The following RASD2 variants were observed in gnomAD, a reference collection of about 807,000 sequenced individuals.
RASD2 encodes the protein RASD family member 2.
Under a neutral mutation model 15.8 loss-of-function variants are expected in RASD2, and 7 were observed. The observed-to-expected ratio is 0.44, with a 90% CI of 0.25 to 0.83. The LOEUF is 0.83. Among genes scored for constraint, RASD2 ranks in the 40% least tolerant of loss-of-function variants. The probability of loss-of-function intolerance (pLI) is 0.20; values close to 1 mark genes in which losing one functional copy is unlikely to be tolerated. For synonymous variants in RASD2, 155 were observed against 153.6 expected (o/e 1.01, Z -0.07); for missense variants, 274 against 382.8 (o/e 0.72, Z 2.37).
rs1349843343 is a variant in RASD2, at chr22:35,549,135, A to G, written c.271+2055A>G. Among the ~76,000 whole-genome samples the G allele has an allele frequency of 2.0e-5, 3 of 152,204 alleles. No homozygotes were observed. The East Asian group carries it at 5.8e-4, about 29-fold the overall frequency. ...GATAAAGCTAATGCCCCTTTGACCC[A>G]TGTCCCCAATCCCAGGCTCCTGCCC... On this transcript the variant is annotated intron_variant, in intron 2 of 2. Transcript: ENST00000216127.
the RASD2 span, among the ~76,000 whole-genome samples, chr22:35,535,319 G>T: frequency 1.3e-5 from 2 of 151,306 alleles, no homozygotes; most frequent in Non-Finnish European, 2.9e-5. Context: ...TGGGAGGATC[G>T]CTTGAGCCCA....
upstream of RASD2, among the ~76,000 whole-genome samples, chr22:35,538,670 G>A (rs1934280958): frequency 6.6e-6 from 1 of 152,224 alleles, no homozygotes; most frequent in Non-Finnish European, 1.5e-5. Context: ...CTGGGATATG[G>A]TCAGTGGGAC....
chr22:35,534,822 C>A, the RASD2 span, among the ~76,000 whole-genome samples: 5 of 152,190 alleles, frequency 3.3e-5, no homozygotes, highest in African/African-American at 1.2e-4. Context: ...GGAAAGGAAC[C>A]TTTCTTTTAT....
chr22:35,538,587 C>A (rs1934279133), upstream of RASD2, among the ~76,000 whole-genome samples: 1 of 152,276 alleles, frequency 6.6e-6, no homozygotes, highest in African/African-American at 2.4e-5. Flanking sequence ...TGGGGGAGGG[C>A]AGGAGCAGAA....
chr22:35,548,980 G>T (rs868041591), intron 2 of RASD2, among the ~76,000 whole-genome samples: 14 of 152,210 alleles, frequency 9.2e-5, no homozygotes, highest in African/African-American at 2.9e-4. Context: ...CTGGGTACCC[G>T]CTGCAATGAA....
upstream of RASD2, among the ~76,000 whole-genome samples, chr22:35,540,525 C>A (rs1425983179): frequency 6.6e-6 from 1 of 151,120 alleles, no homozygotes; most frequent in Non-Finnish European, 1.5e-5. Flanking sequence ...GGAGGCGCGG[C>A]TCGCGGGGGG....
At chr22:35,535,260 C>T in the RASD2 span, among the ~76,000 whole-genome samples, 23 of 151,858 alleles carry the variant, frequency 1.5e-4, no homozygotes, top group African/African-American at 3.9e-4. Context: ...AAAAATTAGC[C>T]GGGTGTGATG....
intron 2 of RASD2, among the ~76,000 whole-genome samples, chr22:35,549,750 C>T (rs1367635123): frequency 6.6e-6 from 1 of 152,196 alleles, no homozygotes; most frequent in African/African-American, 2.4e-5. Flanking sequence ...TTGGAGCACA[C>T]CTTTGATCTG....
upstream of RASD2, among the ~76,000 whole-genome samples, chr22:35,537,511 C>T (rs770582642): frequency 1.8e-4 from 27 of 152,104 alleles, no homozygotes; most frequent in Non-Finnish European, 2.6e-4. Flanking sequence ...TGAAGCACTT[C>T]GCAGTTTATT....
chr22:35,541,521 G>A (rs2272861), intron 1 of RASD2, 21 bp downstream of exon 1: 89,774 of 152,120 alleles, frequency 0.59, 27,875 homozygotes, highest in Non-Finnish European at 0.69. Context: ...CCCCAACAGA[G>A]CTGGGCATCT....
chr22:35,545,473 T>C (rs1934474600), intron 1 of RASD2, among the ~76,000 whole-genome samples: 1 of 152,190 alleles, frequency 6.6e-6, no homozygotes, highest in African/African-American at 2.4e-5. Flanking sequence ...CCCCCACCTC[T>C]GGGATGCAGC....
rs1434387709 is a variant in RASD2 at position 35,551,919 on chromosome 22, A to G, written c.688A>G (p.Met230Val). 1.2e-6 allele frequency: 2 copies of G among 1,611,204 alleles called. No homozygotes were observed. The highest frequency in any genetic ancestry group is 1.7e-6 in the Non-Finnish European group (2 of 1,180,002). The part of the protein sequence containing the change: ...RRVKEMDAYG[M>V]VSPFARRPSV... ...CGTCAAGGAGATGGACGCCTATGGC[A>G]TGGTCTCGCCCTTCGCCCGCCGCCC... The change falls in exon 3 of 3, where the codon ATG becomes GTG. Residue 230 changes from methionine to valine, a missense_variant. Physicochemically the swap from Met to Val is conservative, Grantham distance 21. Transcript: ENST00000216127. This position sits in a 1 kb window ranked among gnomAD's most constrained non-coding sequence, Gnocchi z 4.9.
Position 35,552,024 on chromosome 22 carries a change from A to G in RASD2, c.793A>G (p.Ile265Val). 1 of 1,594,864 alleles carries G rather than the reference A, an allele frequency of 6.3e-7. No individual in the cohort carries two copies. Among genetic ancestry groups the G allele is most frequent in the Non-Finnish European group, 8.5e-7 (1 of 1,176,146 alleles). ...GGCCCGTGAGAGGGACAAGTGCACC[A>G]TCCAGTGAGCGAGGGATGCTGGGGC... is the stretch of plus-strand genomic sequence containing the variant. ...GQARERDKCT[I>V]Q The change falls in exon 3 of 3, where the codon ATC becomes GTC. Residue 265 changes from isoleucine (I) to valine (V), a missense_variant. By Grantham distance (29) the Ile-to-Val change is conservative. Transcript: ENST00000216127.
At chr22:35,537,082 GC>G, upstream of RASD2, among the ~76,000 whole-genome samples, 1 of 140,992 alleles carries the variant, frequency 7.1e-6, no homozygotes, top group East Asian at 1.9e-4. Flanking sequence ...CCTGACGTGT[GC>G]TTTTTTTCCT....
chr22:35,550,623 G>A (rs1000160776), intron 2 of RASD2, among the ~76,000 whole-genome samples: 1 of 152,144 alleles, frequency 6.6e-6, no homozygotes, highest in Non-Finnish European at 1.5e-5. Flanking sequence ...CCTGGAGGCA[G>A]TGTGGGCCTT....
the RASD2 span, among the ~76,000 whole-genome samples, chr22:35,533,417 AG>A: frequency 6.6e-6 from 1 of 152,238 alleles, no homozygotes; most frequent in South Asian, 2.1e-4. Context: ...ACACCTAAAA[AG>A]GAGCAAAAGG....
At chr22:35,544,874 CAT>C (rs1408005840) in intron 1 of RASD2, among the ~76,000 whole-genome samples, 2 of 152,228 alleles carry the variant, frequency 1.3e-5, no homozygotes, top group Admixed American at 6.5e-5. Context: ...AATAGGTTAA[CAT>C]GTGTGCAGCA....
intron 2 of RASD2, among the ~76,000 whole-genome samples, chr22:35,547,624 GT>G (rs1303532166): frequency 6.6e-6 from 1 of 152,046 alleles, no homozygotes; most frequent in Non-Finnish European, 1.5e-5. Flanking sequence ...TTGGCATGTA[GT>G]TTTTTTTGAA....
upstream of RASD2, among the ~76,000 whole-genome samples, chr22:35,540,662 G>T (rs1934321697): frequency 6.6e-6 from 1 of 152,164 alleles, no homozygotes; most frequent in African/African-American, 2.4e-5. Context: ...GGTGACAGTG[G>T]GGCATCTGCC....
Sources: allele counts gnomAD v4.1 joint callset (sites outside exome capture counted in the v4.1 genomes callset), GRCh38; gene constraint gnomAD v4.1.1; non-coding constraint Gnocchi (gnomAD v3.1); transcripts MANE v1.5; gene names NCBI Gene and HGNC (gene_info 2026-07-23, HGNC 2026-07-21).